RUBCN: variants seen among roughly 807,000 people sequenced by gnomAD.
The protein encoded by RUBCN is rubicon autophagy regulator, also known as run domain Beclin-1-interacting and cysteine-rich domain-containing protein.
A neutral mutation model predicts 113.2 loss-of-function variants in RUBCN; 74 were observed. The ratio of observed to expected loss-of-function variants is 0.65; its 90% CI spans 0.54 to 0.79. The LOEUF (loss-of-function observed/expected upper bound fraction) is 0.79, where lower values mean the gene tolerates loss of function less well. Ranked by LOEUF, RUBCN falls within the 30% of genes least tolerant of loss-of-function variation. The probability of loss-of-function intolerance (pLI) is 0.00; values close to 1 mark genes in which losing one functional copy is unlikely to be tolerated. For synonymous variants in RUBCN, 480 were observed against 490.0 expected, an observed-to-expected ratio of 0.98 and a Z score of 0.27; for missense variants, 1,109 against 1,251.7, an observed-to-expected ratio of 0.89 and a Z score of 1.72.
chr3:197,730,340 A>G (rs1173566072), intron 1 of RUBCN, among the ~76,000 whole-genome samples: 1 of 152,096 alleles, frequency 6.6e-6, no homozygotes, highest in African/African-American at 2.4e-5. Flanking sequence ...ACATAACTCA[A>G]GTCAGTCCAA....
At chr3:197,690,091 C>A (rs540849274) in intron 11 of RUBCN, among the ~76,000 whole-genome samples, 2 of 152,310 alleles carry the variant, frequency 1.3e-5, no homozygotes, top group African/African-American at 4.8e-5. Context: ...AAATCTTGAT[C>A]TAATCTTACA....
chr3:197,687,733 G>A (rs1722006340), intron 11 of RUBCN, among the ~76,000 whole-genome samples: 1 of 152,180 alleles, frequency 6.6e-6, no homozygotes, highest in Non-Finnish European at 1.5e-5. Context: ...TCCCACAGAG[G>A]GCTTTCACCA....
Position 197,700,921 on chromosome 3 carries a change from G to C in RUBCN, c.953C>G (p.Ala318Gly). 6.2e-7 allele frequency: 1 copy of C among 1,614,202 alleles called. No homozygotes were observed. Among genetic ancestry groups the C allele is most frequent in the African/African-American group, 1.3e-5 (1 of 75,044 alleles). ...VSSQNDSPGDASEGPEYLAIG... is the reference protein window; with the variant it reads ...VSSQNDSPGDGSEGPEYLAIG... ...GGCCAGGTACTCAGGCCCCTCACTG[G>C]CATCACCTGGGGAATCATTCTGGCT... is the stretch of plus-strand genomic sequence containing the variant. Residue 318 changes from alanine to glycine, a missense_variant, in exon 7 of 20, where the codon GCC becomes GGC. Around this residue, in one of 3 missense-constraint regions of RUBCN, gnomAD observed 736 missense variants for 779.6 expected, o/e 0.94. Coordinates refer to ENST00000296343, the MANE Select transcript of RUBCN (RefSeq NM_014687.4).
In RUBCN at chr3:197,684,318, C is replaced by G. The variant is rs77593504; in HGVS notation, c.1787-101G>C. 5.8e-6 allele frequency: 5 copies of G among 859,666 alleles called. No individual in the cohort carries two copies. The African/African-American group carries it at 8.3e-5, about 14-fold the overall frequency. The allele number at this position is 859,666 out of a possible 1,614,324, so 53.3% of individuals were successfully genotyped here. A position where few individuals can be genotyped will look rare whatever the true frequency, so the allele number is the denominator to read the frequency against. ...GCTCCCAGCTAAGCTCTCAGGGTAACAGCCAGGTGCCACACTCTATGCAGG... is the reference window on the plus strand; with the variant it reads ...GCTCCCAGCTAAGCTCTCAGGGTAAGAGCCAGGTGCCACACTCTATGCAGG... On this transcript the variant is annotated intron_variant, in intron 11 of 19. Transcript: ENST00000296343.
intron 2 of RUBCN, among the ~76,000 whole-genome samples, chr3:197,717,756 G>C (rs1725707399): frequency 6.6e-6 from 1 of 152,144 alleles, no homozygotes; most frequent in Admixed American, 6.5e-5. Context: ...CTAATCTTTT[G>C]TTGCTGATTT....
At chr3:197,722,509 C>G (rs1408021376) in intron 1 of RUBCN, among the ~76,000 whole-genome samples, 2 of 151,724 alleles carry the variant, frequency 1.3e-5, no homozygotes, top group African/African-American at 4.8e-5. Flanking sequence ...AGTGGGGTAT[C>G]AGAGTTTTCG....
At chr3:197,708,119 TAAAG>T (rs1240610788) in intron 2 of RUBCN, among the ~76,000 whole-genome samples, 1 of 151,944 alleles carries the variant, frequency 6.6e-6, no homozygotes, top group Non-Finnish European at 1.5e-5. Flanking sequence ...TGATAGCAAA[TAAAG>T]AAAAATATGT....
chr3:197,720,229 G>A (rs1238775037), intron 1 of RUBCN, among the ~76,000 whole-genome samples: 1 of 152,120 alleles, frequency 6.6e-6, no homozygotes, highest in African/African-American at 2.4e-5. Context: ...ACCTCCATGA[G>A]AACAACTTTT....
chr3:197,685,575 A>T (rs1389466891), intron 11 of RUBCN, among the ~76,000 whole-genome samples: 1 of 152,234 alleles, frequency 6.6e-6, no homozygotes, highest in Non-Finnish European at 1.5e-5. Flanking sequence ...TACTCAAATA[A>T]CATTGTTGAC....
intron 1 of RUBCN, among the ~76,000 whole-genome samples, chr3:197,724,509 A>C (rs1336895355): frequency 5.3e-5 from 8 of 152,214 alleles, no homozygotes; most frequent in African/African-American, 1.9e-4. Context: ...TACTCTTTTT[A>C]GTGGTAAAGG....
chr3:197,684,008 G>A, intron 12 of RUBCN, 149 bp downstream of exon 12: 1 of 618,166 alleles, frequency 1.6e-6, no homozygotes, highest in East Asian at 2.8e-5. Flanking sequence ...TCTTCCCGTG[G>A]GCTCGGCACC....
intron 7 of RUBCN, among the ~76,000 whole-genome samples, chr3:197,700,250 A>G (rs1296020265): frequency 2.0e-5 from 3 of 152,232 alleles, no homozygotes; most frequent in Non-Finnish European, 4.4e-5. Flanking sequence ...CAAACTTCTA[A>G]GACGTCACAG....
intron 1 of RUBCN, among the ~76,000 whole-genome samples, chr3:197,719,550 T>A (rs1320108968): frequency 6.6e-6 from 1 of 151,296 alleles, no homozygotes; most frequent in Non-Finnish European, 1.5e-5. Context: ...ATCCTAGGGC[T>A]TTGATTCCAA....
At chr3:197,714,075 C>CAAAA (rs972226713) in intron 2 of RUBCN, among the ~76,000 whole-genome samples, 1 of 145,174 alleles carries the variant, frequency 6.9e-6, no homozygotes, top group Non-Finnish European at 1.5e-5. Context: ...GACTCTGTAT[C>CAAAA]AAAAAAAAAA....
At chr3:197,703,971 G>T (rs1723998239) in intron 4 of RUBCN, among the ~76,000 whole-genome samples, 1 of 152,192 alleles carries the variant, frequency 6.6e-6, no homozygotes, top group African/African-American at 2.4e-5. Flanking sequence ...ATACTGGACA[G>T]CAGTGACGGG....
At chr3:197,744,890 G>T (rs1198037211) in intron 1 of RUBCN, among the ~76,000 whole-genome samples, 2 of 152,106 alleles carry the variant, frequency 1.3e-5, no homozygotes, top group Non-Finnish European at 2.9e-5. Flanking sequence ...TATTTATTCA[G>T]ATTATCGTAG....
rs1478092043 is a variant in RUBCN, at chr3:197,670,772, A to G, written c.*4246T>C. ...TAAATATCATCTTATCTCCTGGTTTAGTCCCTGGCAAGGAAAGAGCTGGCA... is the reference window on the plus strand; with the variant it reads ...TAAATATCATCTTATCTCCTGGTTTGGTCCCTGGCAAGGAAAGAGCTGGCA... On this transcript the variant is annotated 3_prime_UTR_variant, in exon 20 of 20. Coordinates refer to ENST00000296343, the MANE Select transcript of RUBCN (RefSeq NM_014687.4). Among the ~76,000 whole-genome samples the G allele has an allele frequency of 6.6e-6, 1 of 152,244 alleles. No individual in the cohort carries two copies. The highest frequency in any genetic ancestry group is 1.5e-5 in the Non-Finnish European group (1 of 68,046).
At chr3:197,739,489 G>A (rs370413843), upstream of RUBCN, among the ~76,000 whole-genome samples, 2 of 151,298 alleles carry the variant, frequency 1.3e-5, no homozygotes, top group East Asian at 2.0e-4. Flanking sequence ...GTCAGGAGAT[G>A]GAGACTATCC....
At position 197,696,391 on chromosome 3, in the gene RUBCN, C is replaced by CA. The variant is rs1043378622; in HGVS notation, c.1358-411dup. On this transcript the variant is annotated intron_variant, in intron 8 of 19. Coordinates refer to ENST00000296343, the MANE Select transcript of RUBCN (RefSeq NM_014687.4). ...CTGTCTCAAAAAAAAAAAAACAAAACAAAAAAGAATTTCTTGGACTCTTAG... is the reference window on the plus strand; with the variant it reads ...CTGTCTCAAAAAAAAAAAAACAAAACAAAAAAAGAATTTCTTGGACTCTTAG... 3.7e-4 allele frequency among the ~76,000 whole-genome samples: 55 copies of CA among 149,410 alleles called. 1 individual carries two copies. Among genetic ancestry groups the CA allele is most frequent in the African/African-American group, 1.2e-3 (48 of 40,228 alleles).
Sources: gnomAD v4.1 joint callset for allele counts (sites outside exome capture counted in the v4.1 genomes callset) on GRCh38, gnomAD v4.1.1 for gene constraint, gnomAD v4.1.1 regional missense constraint, MANE v1.5 for transcripts, NCBI Gene and HGNC (gene_info 2026-07-23, HGNC 2026-07-21) for gene names.